The following UNC80 variants were observed in gnomAD, a reference collection of about 807,000 sequenced individuals.
The protein encoded by UNC80 is unc-80 subunit of NALCN channel complex.
A neutral mutation model predicts 384.6 loss-of-function variants in UNC80; 164 were observed. That is an observed-to-expected ratio of 0.43 (90% CI 0.38 to 0.49). The LOEUF is 0.49. UNC80 is among the 20% of genes least tolerant of loss of function. The probability of loss-of-function intolerance (pLI) is 0.00; values close to 1 mark genes in which losing one functional copy is unlikely to be tolerated. For synonymous variants in UNC80, 1,486 were observed against 1,527.8 expected (o/e 0.97, Z 0.64); for missense variants, 3,330 against 4,143.0 (o/e 0.80, Z 5.39).
intron 51 of UNC80, among the ~76,000 whole-genome samples, chr2:209,965,613 G>A (rs978607072): frequency 6.6e-6 from 1 of 151,922 alleles, no homozygotes; most frequent in Admixed American, 6.6e-5. Context: ...GGTAGAGACA[G>A]GGTTTCACCA....
chr2:209,929,709 C>T (rs1390864706), intron 36 of UNC80, among the ~76,000 whole-genome samples, 162 bp from the exon 37 acceptor site: 1 of 152,134 alleles, frequency 6.6e-6, no homozygotes, highest in African/African-American at 2.4e-5. Context: ...TGTTCAGAGA[C>T]AACAACGAAG....
chr2:209,841,800 T>C (rs1031597035), intron 20 of UNC80, among the ~76,000 whole-genome samples: 1 of 152,240 alleles, frequency 6.6e-6, no homozygotes, highest in Non-Finnish European at 1.5e-5. Flanking sequence ...TATTTGAGTT[T>C]GTGTGGCCCA....
chr2:209,811,076 G>A lies in UNC80; in HGVS notation c.939-2504G>A, dbSNP rs370074429. Among the ~76,000 whole-genome samples, 4 of 152,108 alleles carry A rather than the reference G, an allele frequency of 2.6e-5. No individual in the cohort carries two copies. The East Asian group carries it at 7.7e-4, about 29-fold the overall frequency. ...AGGGAGAGCAGTGAAAGCCTTTTAGGAAATGGGTAGAAATGAAAATCAAAG... is the reference window on the plus strand; with the variant it reads ...AGGGAGAGCAGTGAAAGCCTTTTAGAAAATGGGTAGAAATGAAAATCAAAG... On this transcript the variant is annotated intron_variant, in intron 7 of 64. Coordinates refer to ENST00000673920, the MANE Select transcript of UNC80 (RefSeq NM_001371986.1).
Position 209,776,011 on chromosome 2 carries a change from C to T in UNC80, c.264C>T (p.Cys88=). ...VQAALPHVLH[C]TATLLSNRNK... The stretch of plus-strand genomic sequence containing the variant: ...CTGCTTTGCCTCATGTCCTCCACTG[C>T]ACTGCAACCCTGCTTTCAAACCGAA... Residue 88 remains cysteine, a synonymous_variant, in exon 3 of 65, where the codon TGC becomes TGT. Transcript: ENST00000673920. 1 of 1,614,190 alleles carries T rather than the reference C, an allele frequency of 6.2e-7. No individual in the cohort carries two copies. Among genetic ancestry groups the T allele is most frequent in the Non-Finnish European group, 8.5e-7 (1 of 1,180,032 alleles).
At chr2:209,807,674 AT>A (rs1409687863) in intron 7 of UNC80, among the ~76,000 whole-genome samples, 1 of 151,946 alleles carries the variant, frequency 6.6e-6, no homozygotes, top group Admixed American at 6.6e-5. Context: ...CCCTCATGTC[AT>A]TTTTATCCAG....
At chr2:209,853,729 A>C (rs1166912788) in intron 22 of UNC80, among the ~76,000 whole-genome samples, 1 of 152,118 alleles carries the variant, frequency 6.6e-6, no homozygotes, top group African/African-American at 2.4e-5. Flanking sequence ...TTTCTTATTT[A>C]TCCAGTTGAA....
chr2:209,870,407 A>T (rs969903203), intron 22 of UNC80, among the ~76,000 whole-genome samples: 23 of 152,164 alleles, frequency 1.5e-4, no homozygotes, highest in African/African-American at 5.5e-4. Context: ...GTAGATATTT[A>T]GTCTATATGG....
chr2:209,899,132 A>C (rs1187616600), intron 28 of UNC80, among the ~76,000 whole-genome samples: 1 of 152,158 alleles, frequency 6.6e-6, no homozygotes, highest in Non-Finnish European at 1.5e-5. Flanking sequence ...TCAATATATG[A>C]ATCTATTTTC....
rs903491019 is a variant in UNC80, at chr2:209,789,697, ACCAGGCTCAAAG to A, written c.798+96_798+107del. 2.2e-4 allele frequency: 196 copies of A among 894,512 alleles called. No homozygotes were observed. In the Middle Eastern group the frequency reaches 2.2e-3, roughly 10 times the overall value. 55.4% of individuals were successfully genotyped at this position (894,512 alleles called of 1,614,324 possible). ...GAAAGACATGAGTTCTAGAATCACT[ACCAGGCTCAAAG>A]CCACTCCTCCTTTCTGAATGTGCAA... On this transcript the variant is annotated intron_variant, in intron 6 of 64. Transcript: ENST00000673920.
intron 6 of UNC80, among the ~76,000 whole-genome samples, chr2:209,790,810 G>A (rs2077747838): frequency 6.6e-6 from 1 of 152,070 alleles, no homozygotes; most frequent in African/African-American, 2.4e-5. Flanking sequence ...ATAGACACAG[G>A]ATGGAAATAT....
chr2:209,849,706 T>C, intron 22 of UNC80, 83 bp downstream of exon 22: 1 of 1,359,052 alleles, frequency 7.4e-7, no homozygotes, highest in Non-Finnish European at 1.0e-6. Context: ...TCCCCAATTG[T>C]AATCCTCCTG....
At chr2:209,790,820 T>C (rs1244834720) in intron 6 of UNC80, among the ~76,000 whole-genome samples, 1 of 152,206 alleles carries the variant, frequency 6.6e-6, no homozygotes, top group Non-Finnish European at 1.5e-5. Context: ...GATGGAAATA[T>C]AATTAAAAAG....
At chr2:209,824,380 A>G (rs1324536162) in intron 13 of UNC80, among the ~76,000 whole-genome samples, 1 of 152,178 alleles carries the variant, frequency 6.6e-6, no homozygotes, top group Non-Finnish European at 1.5e-5. Flanking sequence ...GCATAGGGAG[A>G]AATTGAACTG....
At chr2:209,815,874 C>T (rs960271950) in intron 9 of UNC80, among the ~76,000 whole-genome samples, 1 of 152,100 alleles carries the variant, frequency 6.6e-6, no homozygotes, top group Admixed American at 6.6e-5. Context: ...TAGTTAAATA[C>T]GTTATATTTT....
chr2:209,834,017 ATTCGTCAGCTGG>A lies in UNC80; in HGVS notation c.2793_2804del (p.Arg932_Val935del). Reference sequence around the variant, plus strand: ...CTCCAAACAGGGACTGTATTGTGACATTCGTCAGCTGGTCCAGTTTATCAAAGAGGCTCATGG... The same window carrying A: ...CTCCAAACAGGGACTGTATTGTGACATCCAGTTTATCAAAGAGGCTCATGG... On this transcript the variant is annotated inframe_deletion, in exon 17 of 65. Coordinates refer to ENST00000673920, the MANE Select transcript of UNC80 (RefSeq NM_001371986.1). 1 of 1,551,688 alleles carries A rather than the reference ATTCGTCAGCTGG, an allele frequency of 6.4e-7. No homozygotes were observed. The highest frequency in any genetic ancestry group is 8.7e-7 in the Non-Finnish European group (1 of 1,146,950).
chr2:209,817,908 T>C lies in UNC80; in HGVS notation c.1649T>C (p.Leu550Pro), dbSNP rs1348185148. The C allele has an allele frequency of 6.4e-7, 1 of 1,551,566 alleles. No homozygotes were observed. Among genetic ancestry groups the C allele is most frequent in the Admixed American group, 2.0e-5 (1 of 50,988 alleles). ...TCCCATCACACCCTGGTAAGCGACC[T>C]GCCGGACCCCTCCAACAGCCATGGA... Reference protein sequence around the residue: ...SHSHHTLVSDLPDPSNSHGEN... With the variant: ...SHSHHTLVSDPPDPSNSHGEN... Residue 550 changes from leucine to proline, a missense_variant, in exon 11 of 65, where the codon CTG (leucine) becomes CCG (proline). Leu to Pro is a moderately conservative substitution (Grantham distance 98). Around this residue, in one of 8 missense-constraint regions of UNC80, gnomAD observed 937 missense variants for 1,026.8 expected, o/e 0.91. Coordinates refer to ENST00000673920, the MANE Select transcript of UNC80 (RefSeq NM_001371986.1).
chr2:209,951,168 C>A (rs573387736), intron 47 of UNC80, among the ~76,000 whole-genome samples: 3,162 of 151,852 alleles, frequency 0.021, 99 homozygotes, highest in African/African-American at 0.071. Flanking sequence ...AGACCTGTCT[C>A]AAATAAATTA....
intron 7 of UNC80, among the ~76,000 whole-genome samples, chr2:209,807,819 T>C (rs2079003939): frequency 6.6e-6 from 1 of 152,248 alleles, no homozygotes; most frequent in Admixed American, 6.5e-5. Flanking sequence ...TTCTTGCTTT[T>C]TATTGAATAT....
chr2:209,844,481 T>TTTCTTTCTTTCTTTC, intron 21 of UNC80, among the ~76,000 whole-genome samples: 1 of 62,664 alleles, frequency 1.6e-5, no homozygotes, highest in Middle Eastern at 6.3e-3. Context: ...CTTTCTTTCC[T>TTTCTTTCTTTCTTTC]TCCTTCCTTC....
Sources: gnomAD v4.1 joint callset for allele counts (sites outside exome capture counted in the v4.1 genomes callset) on GRCh38, gnomAD v4.1.1 for gene constraint, gnomAD v4.1.1 regional missense constraint, MANE v1.5 for transcripts, NCBI Gene and HGNC (gene_info 2026-07-23, HGNC 2026-07-21) for gene names.